The following ATF2 variants were observed in gnomAD, a reference collection of about 807,000 sequenced individuals.
The protein encoded by ATF2 is activating transcription factor 2, also known as cyclic AMP-dependent transcription factor ATF-2.
Under a neutral mutation model 60.6 loss-of-function variants are expected in ATF2, and 24 were observed. The observed-to-expected ratio is 0.40, with a 90% CI of 0.29 to 0.56. ATF2 has a LOEUF of 0.56. Ranked by LOEUF, ATF2 falls within the 20% of genes least tolerant of loss-of-function variation. The pLI, the probability that ATF2 is intolerant of heterozygous loss-of-function variation, is 0.54. For missense variants in ATF2, 433 were observed against 607.7 expected, an observed-to-expected ratio of 0.71 and a Z score of 3.02; for synonymous variants, 206 against 215.4, an observed-to-expected ratio of 0.96 and a Z score of 0.38.
intron 1 of ATF2, among the ~76,000 whole-genome samples, chr2:175,160,750 G>A (rs1383877296): frequency 1.3e-5 from 2 of 152,022 alleles, no homozygotes; most frequent in African/African-American, 2.4e-5. Context: ...TGGTGGAGTA[G>A]AAGAAAAGAA....
intron 1 of ATF2, among the ~76,000 whole-genome samples, chr2:175,153,115 T>C (rs1699420326): frequency 1.3e-5 from 2 of 152,036 alleles, no homozygotes; most frequent in Non-Finnish European, 2.9e-5. Context: ...CAAAAAGAAA[T>C]AAGATAGCCA....
At chr2:175,106,469 T>C (rs1695672401) in intron 10 of ATF2, among the ~76,000 whole-genome samples, 1 of 151,436 alleles carries the variant, frequency 6.6e-6, no homozygotes, top group Admixed American at 6.6e-5. Context: ...GAGGCTGCAG[T>C]GAGCCAAGAT....
chr2:175,167,742 G>T (rs1451653889), intron 1 of ATF2: 4 of 475,374 alleles, frequency 8.4e-6, no homozygotes, highest in Non-Finnish European at 1.7e-5. Flanking sequence ...AGGGGTCTAA[G>T]AGGGAGCCGT....
intron 1 of ATF2, among the ~76,000 whole-genome samples, chr2:175,164,959 C>T (rs1238248777): frequency 6.6e-6 from 1 of 152,150 alleles, no homozygotes; most frequent in African/African-American, 2.4e-5. Context: ...TAGGTGCTAG[C>T]GATTCTCCTG....
intron 2 of ATF2, among the ~76,000 whole-genome samples, 188 bp from the exon 3 acceptor site, chr2:175,136,674 T>C (rs1399355078): frequency 6.6e-6 from 1 of 152,044 alleles, no homozygotes; most frequent in East Asian, 1.9e-4. Flanking sequence ...ATCCTAAACA[T>C]AGGTATTAAC....
intron 2 of ATF2, among the ~76,000 whole-genome samples, chr2:175,137,130 T>C (rs1438913737): frequency 6.6e-6 from 1 of 152,180 alleles, no homozygotes; most frequent in African/African-American, 2.4e-5. Context: ...TTTTCATAAT[T>C]TTGTTCATAA....
At chr2:175,083,936 C>T (rs1329299465) in intron 12 of ATF2, among the ~76,000 whole-genome samples, 1 of 152,116 alleles carries the variant, frequency 6.6e-6, no homozygotes, top group Admixed American at 6.5e-5. Context: ...ATCAAAACCA[C>T]AATGAGATAC....
At chr2:175,112,924 C>T (rs1696298251) in intron 9 of ATF2, among the ~76,000 whole-genome samples, 1 of 152,172 alleles carries the variant, frequency 6.6e-6, no homozygotes, top group Non-Finnish European at 1.5e-5. Context: ...AATGATTACA[C>T]TGTACTGATC....
chr2:175,108,246 C>T (rs1559072800), intron 10 of ATF2, among the ~76,000 whole-genome samples: 1 of 151,746 alleles, frequency 6.6e-6, no homozygotes, highest in East Asian at 2.0e-4. Context: ...GTGAGGAGCC[C>T]CTCCGCCCAG....
intron 10 of ATF2, among the ~76,000 whole-genome samples, chr2:175,108,642 C>T (rs948381792): frequency 4.6e-5 from 7 of 152,186 alleles, no homozygotes; most frequent in African/African-American, 1.7e-4. Context: ...AGTGAGGAGC[C>T]CCTTTGCCTG....
At chr2:175,075,960 G>A (rs1260433034) in intron 13 of ATF2, among the ~76,000 whole-genome samples, 2 of 152,092 alleles carry the variant, frequency 1.3e-5, no homozygotes, top group East Asian at 1.9e-4. Flanking sequence ...GTGTTTAGGA[G>A]TGACAGTAAA....
At chr2:175,158,070 C>T (rs764897739) in intron 1 of ATF2, among the ~76,000 whole-genome samples, 1 of 151,812 alleles carries the variant, frequency 6.6e-6, no homozygotes, top group Non-Finnish European at 1.5e-5. Flanking sequence ...ACACTCAGTA[C>T]ATTCATGACT....
At chr2:175,077,773 T>C (rs1383686941) in intron 13 of ATF2, among the ~76,000 whole-genome samples, 1 of 152,166 alleles carries the variant, frequency 6.6e-6, no homozygotes, top group Non-Finnish European at 1.5e-5. Context: ...ACACATCAAA[T>C]ACCTTTACAA....
At chr2:175,081,405 T>A (rs551727506) in intron 12 of ATF2, among the ~76,000 whole-genome samples, 1 of 152,222 alleles carries the variant, frequency 6.6e-6, no homozygotes. Context: ...TTTGTCCTAA[T>A]CTTCAGAATG....
chr2:175,120,694 A>T (rs1696895368), intron 5 of ATF2, among the ~76,000 whole-genome samples: 1 of 151,744 alleles, frequency 6.6e-6, no homozygotes, highest in Non-Finnish European at 1.5e-5. Flanking sequence ...AGGATCTGAA[A>T]TTTATATAGT....
chr2:175,141,756 GT>G (rs1698559275), intron 2 of ATF2, among the ~76,000 whole-genome samples: 1 of 152,100 alleles, frequency 6.6e-6, no homozygotes, highest in Non-Finnish European at 1.5e-5. Flanking sequence ...GCCTCCCGAA[GT>G]GCTGGGATTA....
intron 1 of ATF2, among the ~76,000 whole-genome samples, chr2:175,164,143 A>G (rs1008649544): frequency 3.3e-4 from 50 of 149,696 alleles, no homozygotes; most frequent in African/African-American, 1.2e-3. Flanking sequence ...AAGGTTGTCA[A>G]AAAGTCTCAA....
intron 12 of ATF2, among the ~76,000 whole-genome samples, chr2:175,085,184 T>C (rs1229327651): frequency 2.0e-5 from 3 of 152,198 alleles, no homozygotes; most frequent in Non-Finnish European, 4.4e-5. Flanking sequence ...AAATGCTATA[T>C]GTGACAAAAG....
chr2:175,082,770 AAAGT>A (rs981695759), intron 12 of ATF2, among the ~76,000 whole-genome samples: 6 of 152,216 alleles, frequency 3.9e-5, no homozygotes, highest in Middle Eastern at 3.2e-3. Flanking sequence ...TTGACTTACA[AAAGT>A]AAGTTTGAAA....
Sources: allele counts gnomAD v4.1 joint callset (sites outside exome capture counted in the v4.1 genomes callset), GRCh38; gene constraint gnomAD v4.1.1; transcripts MANE v1.5; gene names NCBI Gene and HGNC (gene_info 2026-07-23, HGNC 2026-07-21).